The following AHCY variants were observed in gnomAD, a reference collection of about 807,000 sequenced individuals.
AHCY encodes the protein adenosylhomocysteinase.
In AHCY, 24 loss-of-function variants were observed where a neutral mutation model predicts 45.4. The ratio of observed to expected loss-of-function variants is 0.53; its 90% CI spans 0.38 to 0.74. AHCY has a LOEUF of 0.74. Ranked by LOEUF, AHCY falls within the 30% of genes least tolerant of loss-of-function variation. The pLI, the probability that AHCY is intolerant of heterozygous loss-of-function variation, is 0.00. For synonymous variants in AHCY, 245 were observed against 235.1 expected (o/e 1.04, Z -0.39); for missense variants, 449 against 594.1 (o/e 0.76, Z 2.54).
chr20:34,292,594 C>T, intron 3 of AHCY, 87 bp from the exon 4 acceptor site: 5 of 1,584,562 alleles, frequency 3.2e-6, no homozygotes, highest in Non-Finnish European at 4.3e-6. Context: ...AAACTACCTC[C>T]TTCCCAACTC....
At chr20:34,254,616 A>G in the AHCY span, among the ~76,000 whole-genome samples, 1 of 152,204 alleles carries the variant, frequency 6.6e-6, no homozygotes, top group Non-Finnish European at 1.5e-5. Context: ...CCTGCCTATT[A>G]TGAAGATCCA....
At chr20:34,239,762 A>G in the AHCY span, among the ~76,000 whole-genome samples, 1 of 152,186 alleles carries the variant, frequency 6.6e-6, no homozygotes, top group Non-Finnish European at 1.5e-5. Flanking sequence ...ACAAATCACC[A>G]AAAGAAATTG....
the AHCY span, among the ~76,000 whole-genome samples, chr20:34,256,905 C>T: frequency 1.3e-5 from 2 of 151,980 alleles, no homozygotes; most frequent in Non-Finnish European, 2.9e-5. Context: ...CTCAGCCACC[C>T]GAGTAGCTGG....
the AHCY span, among the ~76,000 whole-genome samples, chr20:34,274,623 A>G: frequency 6.6e-6 from 1 of 152,084 alleles, no homozygotes; most frequent in African/African-American, 2.4e-5. Flanking sequence ...TCAAGAGGCC[A>G]TGAGAGGTAC....
chr20:34,268,237 C>G, the AHCY span, among the ~76,000 whole-genome samples: 4 of 152,108 alleles, frequency 2.6e-5, no homozygotes, highest in African/African-American at 9.7e-5. Flanking sequence ...TATTTCCTTC[C>G]CAGGAAAAGA....
At chr20:34,302,872 C>G (rs960993903) in intron 1 of AHCY, 1 of 985,460 alleles carries the variant, frequency 1.0e-6, no homozygotes, top group Non-Finnish European at 1.2e-6. Context: ...CCCAGCTGGA[C>G]AGGGTCCGGT....
the AHCY span, among the ~76,000 whole-genome samples, chr20:34,257,084 T>C: frequency 6.8e-6 from 1 of 146,286 alleles, no homozygotes; most frequent in African/African-American, 2.7e-5. Flanking sequence ...TTTTTTTTTG[T>C]TTTTTGTTTT....
downstream of AHCY, among the ~76,000 whole-genome samples, chr20:34,279,302 T>G (rs1210947676): frequency 2.0e-5 from 3 of 150,978 alleles, no homozygotes; most frequent in South Asian, 6.3e-4. Context: ...GTGCCTGTAG[T>G]CCCAGCTACT....
the AHCY span, among the ~76,000 whole-genome samples, chr20:34,248,078 C>T: frequency 3.0e-3 from 454 of 152,108 alleles, 1 homozygote; most frequent in African/African-American, 9.8e-3. Context: ...TGGTGATGGG[C>T]GCCTGTAATC....
At position 34,280,483 on chromosome 20, in the gene AHCY, T is replaced by G. The variant is rs1466713503; in HGVS notation, c.*551A>C. 6.1e-6 allele frequency: 1 copy of G among 162,758 alleles called. No homozygotes were observed. The highest frequency in any genetic ancestry group is 1.4e-5 in the Non-Finnish European group (1 of 73,270). 10.1% of individuals were successfully genotyped at this position (162,758 alleles called of 1,614,324 possible). A position where few individuals can be genotyped will look rare whatever the true frequency, so the allele number is the denominator to read the frequency against. On this transcript the variant is annotated 3_prime_UTR_variant, in exon 10 of 10. Transcript: ENST00000217426. ...CTTTCTCAGTTGCCCCTTAACAGTC[T>G]ATTCTAACCCCTGTAAAACAGGGAC...
the AHCY span, among the ~76,000 whole-genome samples, chr20:34,251,056 T>C: frequency 2.6e-5 from 4 of 152,104 alleles, no homozygotes; most frequent in African/African-American, 9.7e-5. Flanking sequence ...CATCAACCAA[T>C]TGCACTGGAC....
the AHCY span, among the ~76,000 whole-genome samples, chr20:34,271,202 A>G: frequency 6.6e-6 from 1 of 152,094 alleles, no homozygotes; most frequent in African/African-American, 2.4e-5. Context: ...TCAGCCTCCC[A>G]AAGTGCTGGG....
In AHCY at chr20:34,303,345, G is replaced by A. The variant is rs1242684957; in HGVS notation, c.-75C>T. On this transcript the variant is annotated 5_prime_UTR_variant, in exon 1 of 10. Coordinates refer to ENST00000217426, the MANE Select transcript of AHCY (RefSeq NM_000687.4). Reference sequence around the variant, plus strand: ...TGGGAACAGGAACTGGGCGGGCAGCGCCGAGCAGGGATATGCGCGTGGCGC... The same window carrying A: ...TGGGAACAGGAACTGGGCGGGCAGCACCGAGCAGGGATATGCGCGTGGCGC... The A allele has an allele frequency of 2.6e-6, 4 of 1,542,350 alleles. No individual in the cohort carries two copies. The African/African-American group carries it at 4.1e-5, about 16-fold the overall frequency.
the AHCY span, among the ~76,000 whole-genome samples, chr20:34,239,751 T>C: frequency 1.3e-5 from 2 of 152,168 alleles, no homozygotes; most frequent in African/African-American, 4.8e-5. Flanking sequence ...CCCTTGTCTC[T>C]ACAAATCACC....
rs1568796334 is a variant in AHCY at position 34,290,448 on chromosome 20, G to A, written c.856C>T (p.His286Tyr). The change falls in exon 8 of 10, where the codon CAC becomes TAC. Residue 286 changes from histidine (H) to tyrosine (Y), a missense_variant and splice_region_variant. Physicochemically the swap from His to Tyr is moderately conservative, Grantham distance 83 (BLOSUM62 2). Coordinates refer to ENST00000217426, the MANE Select transcript of AHCY (RefSeq NM_000687.4). This position sits in a 1 kb window ranked among gnomAD's most constrained non-coding sequence, Gnocchi z 4.5. ...TGCIDIILGR[H>Y]FEQMKDDAIV... The stretch of plus-strand genomic sequence containing the variant: ...GCATCATCCTTCATCTGCTCAAAGT[G>A]CCTGTCAGGCAGCCCAAGACCGTGG... The A allele has an allele frequency of 6.2e-7, 1 of 1,614,204 alleles. No homozygotes were observed. The highest frequency in any genetic ancestry group is 8.5e-7 in the Non-Finnish European group (1 of 1,180,018).
chr20:34,308,808 G>A (rs2036920135), intron 1 of AHCY, among the ~76,000 whole-genome samples: 1 of 149,906 alleles, frequency 6.7e-6, no homozygotes, highest in Non-Finnish European at 1.5e-5. Flanking sequence ...CACCCACCAC[G>A]ATGCCCAGCT....
the AHCY span, chr20:34,262,893 G>A: frequency 1.2e-6 from 2 of 1,613,932 alleles, no homozygotes; most frequent in Non-Finnish European, 1.7e-6. Flanking sequence ...GATCTTCTAA[G>A]GTAAGGGCAG....
the AHCY span, among the ~76,000 whole-genome samples, chr20:34,237,913 G>A: frequency 6.6e-6 from 1 of 152,082 alleles, no homozygotes; most frequent in Non-Finnish European, 1.5e-5. Context: ...GAGATAATCT[G>A]ATATAGGATT....
At chr20:34,259,383 G>A in the AHCY span, among the ~76,000 whole-genome samples, 11 of 151,756 alleles carry the variant, frequency 7.2e-5, no homozygotes, top group African/African-American at 2.7e-4. Flanking sequence ...TGTGGTGGTG[G>A]GCACCTGTAA....
Sources: allele counts gnomAD v4.1 joint callset (sites outside exome capture counted in the v4.1 genomes callset), GRCh38; gene constraint gnomAD v4.1.1; non-coding constraint Gnocchi (gnomAD v3.1); transcripts MANE v1.5; gene names NCBI Gene and HGNC (gene_info 2026-07-23, HGNC 2026-07-21).